STK4: variants seen among roughly 807,000 people sequenced by gnomAD.
STK4 encodes serine/threonine-protein kinase 4.
Under a neutral mutation model 64.9 loss-of-function variants are expected in STK4, and 30 were observed. That is an observed-to-expected ratio of 0.46 (90% CI 0.35 to 0.63). STK4 has a LOEUF of 0.63. Ranked by LOEUF, STK4 falls within the 20% of genes least tolerant of loss-of-function variation. The probability of loss-of-function intolerance (pLI) is 0.01; values close to 1 mark genes in which losing one functional copy is unlikely to be tolerated. For missense variants in STK4, 466 were observed against 598.5 expected (o/e 0.78, Z 2.31); for synonymous variants, 177 against 199.0 (o/e 0.89, Z 0.93).
At position 44,978,435 on chromosome 20, in the gene STK4, A is replaced by T. The variant is rs757848525; in HGVS notation, c.117-8A>T. ...TTTATAAATGTTCTTCTTCTCCCAAATGTATAGGTCCTATGGCAGCGTATA... is the reference window on the plus strand; with the variant it reads ...TTTATAAATGTTCTTCTTCTCCCAATTGTATAGGTCCTATGGCAGCGTATA... On this transcript the variant is annotated splice_region_variant and splice_polypyrimidine_tract_variant and intron_variant, in intron 2 of 10. Coordinates refer to ENST00000372806, the MANE Select transcript of STK4 (RefSeq NM_006282.5). 6.2e-7 allele frequency: 1 copy of T among 1,602,884 alleles called. No homozygotes were observed. The highest frequency in any genetic ancestry group is 8.5e-7 in the Non-Finnish European group (1 of 1,176,688).
chr20:45,028,667 T>C (rs2068394797), intron 10 of STK4, among the ~76,000 whole-genome samples: 1 of 152,312 alleles, frequency 6.6e-6, no homozygotes, highest in East Asian at 1.9e-4. Flanking sequence ...ATTAGTGATA[T>C]TGAGATTTTT....
rs1345608933 is a variant in STK4 at position 44,978,581 on chromosome 20, T to A, written c.245+10T>A. ...TGCAGCAATGTGACAGGTAAAGGCA[T>A]GTGGGCTTCCTTTGGGGAGAATGTG... On this transcript the variant is annotated intron_variant, in intron 3 of 10. Transcript: ENST00000372806. 1.2e-6 allele frequency: 2 copies of A among 1,613,356 alleles called. No individual in the cohort carries two copies. The highest frequency in any genetic ancestry group is 4.5e-5 in the East Asian group (2 of 44,846).
At chr20:45,018,784 G>A (rs2068190374) in intron 9 of STK4, among the ~76,000 whole-genome samples, 1 of 148,542 alleles carries the variant, frequency 6.7e-6, no homozygotes, top group South Asian at 2.1e-4. Context: ...AGGCTGAAGT[G>A]CAGTGGCATG....
At chr20:45,065,104 A>G (rs545117075) in intron 10 of STK4, among the ~76,000 whole-genome samples, 52 of 148,718 alleles carry the variant, frequency 3.5e-4, no homozygotes, top group Non-Finnish European at 3.0e-5. Context: ...GGGTATTACT[A>G]TTTTGAAGTA....
Position 44,966,552 on chromosome 20 carries a change from C to T in STK4, c.-17C>T, listed in dbSNP as rs1020396597. On this transcript the variant is annotated 5_prime_UTR_variant, in exon 1 of 11. Transcript: ENST00000372806. ...GGATGGAGCAGTGAGCGGGTCTGGGCGGCTGCTGGCAGCGCCATGGAGACG... is the reference window on the plus strand; with the variant it reads ...GGATGGAGCAGTGAGCGGGTCTGGGTGGCTGCTGGCAGCGCCATGGAGACG... The T allele has an allele frequency of 5.5e-6, 7 of 1,265,702 alleles. No individual in the cohort carries two copies. Among genetic ancestry groups the T allele is most frequent in the South Asian group, 6.4e-5 (2 of 31,402 alleles). The allele number at this position is 1,265,702 out of a possible 1,614,324, so 78.4% of individuals were successfully genotyped here. A position where few individuals can be genotyped will look rare whatever the true frequency, so the allele number is the denominator to read the frequency against.
chr20:45,015,468 T>G (rs1248647459), intron 9 of STK4, among the ~76,000 whole-genome samples: 1 of 152,242 alleles, frequency 6.6e-6, no homozygotes, highest in African/African-American at 2.4e-5. Context: ...TCTGATCCCT[T>G]CAGGATTTAA....
intron 10 of STK4, among the ~76,000 whole-genome samples, chr20:45,034,743 T>C (rs147177882): frequency 0.013 from 1,942 of 151,708 alleles, 37 homozygotes; most frequent in African/African-American, 0.044. Context: ...GAGATCCCCA[T>C]CTCTACAAAA....
intron 10 of STK4, among the ~76,000 whole-genome samples, chr20:45,070,833 A>G (rs1408236405): frequency 6.7e-6 from 1 of 149,978 alleles, no homozygotes; most frequent in Non-Finnish European, 1.5e-5. Flanking sequence ...GGTTGCAGTG[A>G]GCTGAGATCT....
chr20:45,040,386 A>AT (rs1215538965), intron 10 of STK4, among the ~76,000 whole-genome samples: 15 of 152,014 alleles, frequency 9.9e-5, no homozygotes, highest in South Asian at 2.1e-4. Context: ...ATAACCAGGG[A>AT]TTTTTTTTGT....
At chr20:44,989,344 A>G (rs1601211747) in intron 5 of STK4, among the ~76,000 whole-genome samples, 1 of 151,890 alleles carries the variant, frequency 6.6e-6, no homozygotes. Context: ...CTTGATTTGC[A>G]TTTTACTAAT....
At chr20:44,968,517 A>G (rs902271878) in intron 1 of STK4, among the ~76,000 whole-genome samples, 2 of 152,192 alleles carry the variant, frequency 1.3e-5, no homozygotes, top group Non-Finnish European at 2.9e-5. Flanking sequence ...GCAGATATTT[A>G]CTATAGTACC....
chr20:45,023,089 G>A (rs116718453), intron 9 of STK4, among the ~76,000 whole-genome samples: 4,274 of 151,996 alleles, frequency 0.028, 183 homozygotes, highest in African/African-American at 0.092. Flanking sequence ...TTATTTCTTG[G>A]GACCGTGTCT....
intron 5 of STK4, among the ~76,000 whole-genome samples, chr20:44,990,188 A>G (rs1243187991): frequency 6.6e-6 from 1 of 152,140 alleles, no homozygotes; most frequent in South Asian, 2.1e-4. Context: ...CTGTCTTTCC[A>G]TTTATTTAGA....
intron 5 of STK4, among the ~76,000 whole-genome samples, chr20:44,988,122 G>C (rs1173950497): frequency 6.6e-6 from 1 of 151,976 alleles, no homozygotes; most frequent in Non-Finnish European, 1.5e-5. Flanking sequence ...AGGTTTTGTT[G>C]TTAACACAAA....
At chr20:45,022,190 T>C (rs564167841) in intron 9 of STK4, among the ~76,000 whole-genome samples, 5 of 152,354 alleles carry the variant, frequency 3.3e-5, no homozygotes, top group African/African-American at 1.2e-4. Flanking sequence ...ATCATTTTGC[T>C]ATAATTAAAT....
intron 9 of STK4, among the ~76,000 whole-genome samples, chr20:45,024,291 G>C (rs2068304633): frequency 6.7e-6 from 1 of 150,340 alleles, no homozygotes; most frequent in African/African-American, 2.5e-5. Flanking sequence ...AACATTTTGG[G>C]TATTTTCCCC....
chr20:44,968,439 G>T (rs189397198), intron 1 of STK4, among the ~76,000 whole-genome samples: 244 of 152,316 alleles, frequency 1.6e-3, no homozygotes, highest in Non-Finnish European at 2.7e-3. Context: ...GCCCGGCCAT[G>T]CTCTTAACTG....
chr20:45,029,114 T>A (rs1043828447), intron 10 of STK4, among the ~76,000 whole-genome samples: 1 of 152,232 alleles, frequency 6.6e-6, no homozygotes, highest in Non-Finnish European at 1.5e-5. Flanking sequence ...TAAAAACTTA[T>A]GAGATTTTAC....
chr20:45,025,293 T>C lies in STK4; in HGVS notation c.1305+163T>C, dbSNP rs576502520. Among the ~76,000 whole-genome samples, 7 of 152,370 alleles carry C rather than the reference T, an allele frequency of 4.6e-5. No homozygotes were observed. The South Asian group carries it at 1.4e-3, about 32-fold the overall frequency. ...GTATTTTGACTGATGTTTGGGCAGTTCTCTGGTCCCTGATTAGTGGCATCT... is the reference window on the plus strand; with the variant it reads ...GTATTTTGACTGATGTTTGGGCAGTCCTCTGGTCCCTGATTAGTGGCATCT... On this transcript the variant is annotated intron_variant, in intron 10 of 10. Transcript: ENST00000372806.
Sources: allele counts gnomAD v4.1 joint callset (sites outside exome capture counted in the v4.1 genomes callset), GRCh38; gene constraint gnomAD v4.1.1; transcripts MANE v1.5; gene names NCBI Gene and HGNC (gene_info 2026-07-23, HGNC 2026-07-21).